Variants in SATL1 observed in about 807,000 individuals in gnomAD.
SATL1 encodes spermidine/spermine N1-acetyl transferase like 1.
SATL1 carries 47 observed loss-of-function variants against 51.8 expected under a neutral mutation model. The observed-to-expected ratio is 0.91, with a 90% CI of 0.72 to 1.16. The LOEUF is 1.16. Ranked by LOEUF, SATL1 falls within the 50% of genes most tolerant of loss-of-function variation. The probability of loss-of-function intolerance (pLI) is 0.00; values close to 1 mark genes in which losing one functional copy is unlikely to be tolerated. For synonymous variants in SATL1, 176 were observed against 182.4 expected (o/e 0.97, Z 0.28); for missense variants, 520 against 526.4 (o/e 0.99, Z 0.12).
chrX:85,161,022 AG>A (rs1295573832), intron 2 of SATL1, among the ~76,000 whole-genome samples: 4 of 112,277 alleles, frequency 3.6e-5, no homozygotes, highest in African/African-American at 1.3e-4. Flanking sequence ...ACATTCTTAA[AG>A]AAAAGTAATA....
At chrX:85,133,615 G>A (rs1399460620) in intron 2 of SATL1, among the ~76,000 whole-genome samples, 1 of 111,975 alleles carries the variant, frequency 8.9e-6, no homozygotes, top group African/African-American at 3.3e-5. Flanking sequence ...CCCGGCTGAG[G>A]CAATGCCCCA....
intron 2 of SATL1, among the ~76,000 whole-genome samples, chrX:85,144,526 G>A (rs1926184755): frequency 1.8e-5 from 2 of 111,757 alleles, no homozygotes; most frequent in African/African-American, 6.5e-5. Flanking sequence ...TTAGGCTGGA[G>A]GAAGGTTAAA....
intron 2 of SATL1, among the ~76,000 whole-genome samples, chrX:85,132,333 G>T: frequency 9.0e-6 from 1 of 111,266 alleles, no homozygotes; most frequent in East Asian, 2.8e-4. Flanking sequence ...ATTTTTTGGA[G>T]GCTTTGTTCA....
chrX:85,149,491 C>T (rs925064932), intron 2 of SATL1, among the ~76,000 whole-genome samples: 1 of 111,728 alleles, frequency 9.0e-6, no homozygotes, highest in Non-Finnish European at 1.9e-5. Context: ...GAACTCTTCA[C>T]CCCAAATCAA....
intron 1 of SATL1, among the ~76,000 whole-genome samples, chrX:85,228,329 T>C (rs2188734): frequency 0.24 from 26,552 of 110,028 alleles, 3,388 homozygotes; most frequent in African/African-American, 0.49. Flanking sequence ...TCCAGTAATT[T>C]TTTTCTTATC....
At chrX:85,150,408 C>A (rs1352367046) in intron 2 of SATL1, among the ~76,000 whole-genome samples, 1 of 109,575 alleles carries the variant, frequency 9.1e-6, no homozygotes, top group East Asian at 2.9e-4. Flanking sequence ...TGGTACCATT[C>A]CTTCTGAAAC....
At chrX:85,204,162 G>A (rs1927743559) in intron 2 of SATL1, among the ~76,000 whole-genome samples, 1 of 111,610 alleles carries the variant, frequency 9.0e-6, no homozygotes, top group East Asian at 2.8e-4. Flanking sequence ...GTTTCCCAGG[G>A]TCGTTCATTC....
rs182892303 is a variant in SATL1, at chrX:85,133,565, C to T, written c.-312-24285G>A. On this transcript the variant is annotated intron_variant, in intron 2 of 7. Coordinates refer to ENST00000644105, the MANE Select transcript of SATL1 (RefSeq NM_001367857.2). ...TCCCAGTACAGTCTGTCACAGCTTC[C>T]CTTGGCTAGGAAAGGGAAATCCCCT... is the stretch of plus-strand genomic sequence containing the variant. 3.1e-3 allele frequency among the ~76,000 whole-genome samples: 344 copies of T among 112,375 alleles called. 3 individuals are homozygous for T. Among genetic ancestry groups the T allele is most frequent in the African/African-American group, 9.9e-3 (307 of 30,914 alleles).
chrX:85,186,984 AG>A (rs1927325826), intron 2 of SATL1, among the ~76,000 whole-genome samples: 1 of 111,935 alleles, frequency 8.9e-6, no homozygotes, highest in African/African-American at 3.2e-5. Context: ...TTTTAACAAT[AG>A]TAAGTTTTCT....
At chrX:85,195,416 C>T (rs1293559446) in intron 2 of SATL1, among the ~76,000 whole-genome samples, 3 of 111,371 alleles carry the variant, frequency 2.7e-5, no homozygotes, top group African/African-American at 6.5e-5. Context: ...TAGTGTTATT[C>T]ATGGAGAAAA....
chrX:85,220,668 A>C (rs1183576337), intron 2 of SATL1, among the ~76,000 whole-genome samples: 3 of 91,248 alleles, frequency 3.3e-5, no homozygotes, highest in Non-Finnish European at 6.5e-5. Flanking sequence ...AAAAAAAAAA[A>C]AAAAAAAAAA....
chrX:85,122,646 T>C (rs1441691055), intron 2 of SATL1, among the ~76,000 whole-genome samples: 1 of 111,585 alleles, frequency 9.0e-6, no homozygotes, highest in East Asian at 2.8e-4. Flanking sequence ...AGAAATAAAC[T>C]TTTCTTTTTC....
chrX:85,152,159 T>G (rs1433837030), intron 2 of SATL1, among the ~76,000 whole-genome samples: 1 of 111,691 alleles, frequency 9.0e-6, no homozygotes, highest in African/African-American at 3.3e-5. Flanking sequence ...GGGCGAAGGA[T>G]ATGAACAGAC....
chrX:85,127,609 T>A (rs1925658222), intron 2 of SATL1, among the ~76,000 whole-genome samples: 1 of 111,653 alleles, frequency 9.0e-6, no homozygotes, highest in South Asian at 3.7e-4. Flanking sequence ...TTACTGGACT[T>A]TTTCAATCCA....
At chrX:85,156,612 T>A (rs1340267053) in intron 2 of SATL1, among the ~76,000 whole-genome samples, 1 of 108,123 alleles carries the variant, frequency 9.2e-6, no homozygotes, top group African/African-American at 3.4e-5. Context: ...ATCAGTAGAG[T>A]ACAGGCCAGG....
intron 2 of SATL1, among the ~76,000 whole-genome samples, chrX:85,203,955 T>C (rs1372232113): frequency 8.9e-6 from 1 of 112,187 alleles, no homozygotes; most frequent in African/African-American, 3.2e-5. Flanking sequence ...CTTTTCACTT[T>C]GCCAAAGCTG....
intron 2 of SATL1, among the ~76,000 whole-genome samples, chrX:85,128,841 A>T (rs1925698380): frequency 8.9e-6 from 1 of 112,063 alleles, no homozygotes; most frequent in African/African-American, 3.2e-5. Flanking sequence ...TAAGGAAGGG[A>T]TCCAGTTTCA....
chrX:85,122,886 C>T (rs1056396932), intron 2 of SATL1, among the ~76,000 whole-genome samples: 5 of 111,550 alleles, frequency 4.5e-5, no homozygotes, highest in African/African-American at 1.6e-4. Context: ...GTTTAGCCCC[C>T]ACTGATAAGT....
At chrX:85,101,414 G>A (rs1924890064) in intron 4 of SATL1, among the ~76,000 whole-genome samples, 1 of 111,994 alleles carries the variant, frequency 8.9e-6, no homozygotes. Flanking sequence ...TATACAATGG[G>A]TCAATAAGCA....
Sources: gnomAD v4.1 joint callset for allele counts (sites outside exome capture counted in the v4.1 genomes callset) on GRCh38, gnomAD v4.1.1 for gene constraint, MANE v1.5 for transcripts, NCBI Gene and HGNC (gene_info 2026-07-23, HGNC 2026-07-21) for gene names.